TRIM14: variants seen among roughly 807,000 people sequenced by gnomAD.
The protein encoded by TRIM14 is tripartite motif containing 14, also known as tripartite motif-containing protein 14.
In TRIM14, 28 loss-of-function variants were observed where a neutral mutation model predicts 44.5. That is an observed-to-expected ratio of 0.63 (90% confidence interval 0.47 to 0.86). The LOEUF (loss-of-function observed/expected upper bound fraction) is 0.86. TRIM14 is among the 40% of genes least tolerant of loss of function. TRIM14 has a pLI of 0.00. For synonymous variants in TRIM14, 299 were observed against 269.2 expected, an observed-to-expected ratio of 1.11 and a Z score of -1.08; for missense variants, 607 against 611.1, an observed-to-expected ratio of 0.99 and a Z score of 0.07.
intron 6 of TRIM14, chr9:98,077,164 T>C: frequency 6.3e-6 from 4 of 638,344 alleles, no homozygotes; most frequent in Non-Finnish European, 1.0e-5. Flanking sequence ...GGTCTCGCTG[T>C]GTTGGCCAGG....
chr9:98,112,123 C>T (rs969138839), intron 1 of TRIM14, among the ~76,000 whole-genome samples: 1 of 152,108 alleles, frequency 6.6e-6, no homozygotes, highest in African/African-American at 2.4e-5. Flanking sequence ...TTTTCATCTA[C>T]AAATGCTGGT....
the TRIM14 span, chr9:98,056,661 T>G: frequency 4.1e-6 from 5 of 1,224,656 alleles, no homozygotes; most frequent in Non-Finnish European, 4.4e-6. Context: ...AGGCGGGGCC[T>G]AGGGGATTGG....
chr9:98,054,689 T>G, the TRIM14 span, among the ~76,000 whole-genome samples: 1 of 152,310 alleles, frequency 6.6e-6, no homozygotes, highest in East Asian at 1.9e-4. Context: ...CCATACATAT[T>G]GGGCTAGTAG....
chr9:98,116,560 G>C (rs760980104), intron 1 of TRIM14, among the ~76,000 whole-genome samples: 2 of 152,036 alleles, frequency 1.3e-5, no homozygotes, highest in Non-Finnish European at 2.9e-5. Flanking sequence ...ATCCAGGCCA[G>C]GCGTGGTGTT....
chr9:98,038,377 C>G, the TRIM14 span, among the ~76,000 whole-genome samples: 30 of 152,142 alleles, frequency 2.0e-4, no homozygotes, highest in East Asian at 5.6e-3. Context: ...GAACTTCCTA[C>G]ATGTTCTCAG....
chr9:98,104,482 T>C (rs1826527256), intron 2 of TRIM14, among the ~76,000 whole-genome samples: 1 of 152,126 alleles, frequency 6.6e-6, no homozygotes, highest in African/African-American at 2.4e-5. Flanking sequence ...ACTTCTTGTA[T>C]AAGCAGATGA....
intron 1 of TRIM14, among the ~76,000 whole-genome samples, chr9:98,118,658 C>A (rs1293028865): frequency 2.6e-5 from 4 of 152,224 alleles, no homozygotes; most frequent in Non-Finnish European, 5.9e-5. Flanking sequence ...AGACTGTCTT[C>A]CAGCCCAATG....
At chr9:98,064,446 G>A (rs1005992019), downstream of TRIM14, among the ~76,000 whole-genome samples, 1 of 152,014 alleles carries the variant, frequency 6.6e-6, no homozygotes, top group African/African-American at 2.4e-5. Context: ...AGTAGAGATG[G>A]GGTTTCACCA....
chr9:98,089,914 A>G (rs1019915148), intron 5 of TRIM14, among the ~76,000 whole-genome samples: 1 of 152,124 alleles, frequency 6.6e-6, no homozygotes, highest in Non-Finnish European at 1.5e-5. Context: ...GAATAAAACC[A>G]CTTTCTTTAT....
At chr9:98,056,860 C>T in the TRIM14 span, 2 of 1,612,262 alleles carry the variant, frequency 1.2e-6, 1 homozygote, top group East Asian at 4.5e-5. Flanking sequence ...CGGGCAACAC[C>T]CGTGCTTCAT....
intron 3 of TRIM14, among the ~76,000 whole-genome samples, chr9:98,096,609 A>G (rs769718864): frequency 6.6e-6 from 1 of 151,892 alleles, no homozygotes. Flanking sequence ...CAGAAATCCC[A>G]GCCCTTCATC....
downstream of TRIM14, chr9:98,081,471 T>G: frequency 1.1e-5 from 2 of 183,850 alleles, no homozygotes; most frequent in Non-Finnish European, 2.3e-5. Flanking sequence ...AGGCACGGTG[T>G]TCCCTGAGGT....
intron 6 of TRIM14, among the ~76,000 whole-genome samples, chr9:98,070,964 A>G (rs1289295971): frequency 2.0e-5 from 3 of 151,568 alleles, no homozygotes; most frequent in Non-Finnish European, 4.4e-5. Flanking sequence ...GGTCCATGCC[A>G]CCACAACCAG....
At chr9:98,076,406 GC>G (rs1236619819) in intron 6 of TRIM14, 1 of 152,532 alleles carries the variant, frequency 6.6e-6, no homozygotes, top group Admixed American at 6.6e-5. Context: ...ATGGAGTCTC[GC>G]TCTGTGGCCC....
chr9:98,057,312 C>T, the TRIM14 span, among the ~76,000 whole-genome samples: 1 of 152,176 alleles, frequency 6.6e-6, no homozygotes, highest in African/African-American at 2.4e-5. Context: ...ATGACTGGGC[C>T]CCTTCCAGCC....
downstream of TRIM14, among the ~76,000 whole-genome samples, chr9:98,066,696 G>T (rs1299241378): frequency 6.6e-6 from 1 of 151,552 alleles, no homozygotes; most frequent in Non-Finnish European, 1.5e-5. Flanking sequence ...TATTGCCCAG[G>T]CTGGAGTGCA....
rs911315978 is a variant in TRIM14, at chr9:98,087,977, G to A, written c.822C>T (p.Asp274=). ...ACAGGCGCAGGCGCGCGTGCATCGT[G>A]TCAGGATCCAGCGTGGGCGTGCGCG... ...KYARTPTLDP[D]TMHARLRLSA... Residue 274 remains aspartate, a synonymous_variant, in exon 6 of 6, where the codon GAC becomes GAT. Coordinates refer to ENST00000341469, the MANE Select transcript of TRIM14 (RefSeq NM_014788.4). The A allele has an allele frequency of 1.9e-6, 3 of 1,558,400 alleles. No individual in the cohort carries two copies. The African/African-American group carries it at 4.3e-5, about 22-fold the overall frequency.
At chr9:98,046,968 C>T in the TRIM14 span, among the ~76,000 whole-genome samples, 1 of 152,150 alleles carries the variant, frequency 6.6e-6, no homozygotes, top group South Asian at 2.1e-4. Flanking sequence ...GAAAAGGTCC[C>T]TTTGTGACCA....
At chr9:98,057,902 GTTTTTTTTTTTTTTTCCTGGTTTTT>G in the TRIM14 span, among the ~76,000 whole-genome samples, 2 of 93,230 alleles carry the variant, frequency 2.1e-5, no homozygotes, top group Non-Finnish European at 4.0e-5. Flanking sequence ...TTCTCTTACT[GTTTTTTTTTTTTTTTCCTGGTTTTT>G]TTTTTTTTTT....
Sources: allele counts gnomAD v4.1 joint callset (sites outside exome capture counted in the v4.1 genomes callset), GRCh38; gene constraint gnomAD v4.1.1; transcripts MANE v1.5; gene names NCBI Gene and HGNC (gene_info 2026-07-23, HGNC 2026-07-21).